Variants in SLCO3A1 observed in about 807,000 individuals in gnomAD.
SLCO3A1 encodes solute carrier organic anion transporter family member 3A1, also known as PGE1 transporter.
Under a neutral mutation model 63.1 loss-of-function variants are expected in SLCO3A1, and 27 were observed. That is an observed-to-expected ratio of 0.43 (90% CI 0.32 to 0.59). The LOEUF (loss-of-function observed/expected upper bound fraction) is 0.59, where lower values mean the gene tolerates loss of function less well. Ranked by LOEUF, SLCO3A1 falls within the 20% of genes least tolerant of loss-of-function variation. The pLI, the probability that SLCO3A1 is intolerant of heterozygous loss-of-function variation, is 0.09. For synonymous variants in SLCO3A1, 473 were observed against 409.9 expected, an observed-to-expected ratio of 1.15 and a Z score of -1.86; for missense variants, 773 against 945.8, an observed-to-expected ratio of 0.82 and a Z score of 2.40.
chr15:92,097,092 G>A (rs1450006015), intron 3 of SLCO3A1, among the ~76,000 whole-genome samples: 1 of 152,230 alleles, frequency 6.6e-6, no homozygotes, highest in Non-Finnish European at 1.5e-5. Flanking sequence ...TTGAAGGGTA[G>A]CAAAGTGGCC....
In SLCO3A1 at chr15:92,062,436, G is replaced by T. The variant is rs150437680; in HGVS notation, c.647-32445G>T. ...GGCCCGAGTGCCGTGTGGTCCATGT[G>T]GGAAGTGTGAATTGCATCCGGAAGG... On this transcript the variant is annotated intron_variant, in intron 2 of 9. Transcript: ENST00000318445. Among the ~76,000 whole-genome samples, 240 of 152,256 alleles carry T rather than the reference G, an allele frequency of 1.6e-3. 5 individuals carry two copies. In the East Asian group the frequency reaches 0.036, roughly 23 times the overall value.
chr15:92,026,355 TAAG>T (rs2046573754), intron 2 of SLCO3A1, among the ~76,000 whole-genome samples: 2 of 152,226 alleles, frequency 1.3e-5, no homozygotes, highest in Admixed American at 6.5e-5. Flanking sequence ...CCACAGCCTA[TAAG>T]AAGTTTCTCA....
At position 91,865,511 on chromosome 15, in the gene SLCO3A1, G is replaced by A. The variant is rs1897143239; in HGVS notation, c.180+11423G>A. Among the ~76,000 whole-genome samples, 1 of 152,188 alleles carries A rather than the reference G, an allele frequency of 6.6e-6. No homozygotes were observed. The highest frequency in any genetic ancestry group is 2.4e-5 in the African/African-American group (1 of 41,440). On this transcript the variant is annotated intron_variant, in intron 1 of 9. Transcript: ENST00000318445. The surrounding 1 kb of genome is among the most constrained non-coding windows in gnomAD (Gnocchi z 4.6). The stretch of plus-strand genomic sequence containing the variant: ...AAATTTTTTGTCTGACAGTCCTGCA[G>A]GCCAGAAGTCTGAAATCAGGGCATC...
chr15:92,058,232 C>T (rs2047044875), intron 2 of SLCO3A1, among the ~76,000 whole-genome samples: 1 of 152,036 alleles, frequency 6.6e-6, no homozygotes. Context: ...AGGGTGTTTC[C>T]ACAGATCCAG....
intron 2 of SLCO3A1, among the ~76,000 whole-genome samples, chr15:92,047,566 ATATAAATATATATAT>A (rs1332007261): frequency 8.4e-5 from 2 of 23,942 alleles, no homozygotes; most frequent in African/African-American, 5.7e-4. Flanking sequence ...ATAAATATAT[ATATAAATATATATAT>A]AATATATATA....
At chr15:91,914,858 C>T (rs1898603032) in intron 1 of SLCO3A1, among the ~76,000 whole-genome samples, 2 of 152,146 alleles carry the variant, frequency 1.3e-5, no homozygotes, top group African/African-American at 4.8e-5. Flanking sequence ...AGGTGTGAGC[C>T]ACTGCTCCCG....
At chr15:92,061,927 A>AT (rs1242737763) in intron 2 of SLCO3A1, among the ~76,000 whole-genome samples, 1 of 152,198 alleles carries the variant, frequency 6.6e-6, no homozygotes, top group Non-Finnish European at 1.5e-5. Context: ...CAAGATCTGG[A>AT]TTTTGGCAAC....
intron 2 of SLCO3A1, among the ~76,000 whole-genome samples, chr15:92,023,220 C>G (rs114046012): frequency 3.1e-3 from 465 of 152,290 alleles, no homozygotes; most frequent in African/African-American, 0.01. Flanking sequence ...TGCAGCCTTA[C>G]AAGGATAAAC....
chr15:92,134,527 C>A (rs974963117), intron 7 of SLCO3A1, among the ~76,000 whole-genome samples: 37 of 152,164 alleles, frequency 2.4e-4, no homozygotes, highest in Non-Finnish European at 5.9e-5. Context: ...GAAAAGAACA[C>A]ATTGTAAAAT....
rs115928996 is a variant in SLCO3A1 at position 91,860,642 on chromosome 15, A to G, written c.180+6554A>G. Among the ~76,000 whole-genome samples the G allele has an allele frequency of 5.4e-3, 823 of 152,328 alleles. 8 individuals carry two copies. Among genetic ancestry groups the G allele is most frequent in the African/African-American group, 0.019 (775 of 41,570 alleles). On this transcript the variant is annotated intron_variant, in intron 1 of 9. Coordinates refer to ENST00000318445, the MANE Select transcript of SLCO3A1 (RefSeq NM_013272.4). This position sits in a 1 kb window ranked among gnomAD's most constrained non-coding sequence, Gnocchi z 5.5. ...GCTGAAAGGCTGAGTGACCAATTCA[A>G]GGGAGCCCGAGGTGTCAGGAGGGCG...
chr15:91,999,911 T>C (rs961785539), intron 2 of SLCO3A1, among the ~76,000 whole-genome samples: 2 of 152,212 alleles, frequency 1.3e-5, no homozygotes, highest in African/African-American at 4.8e-5. Context: ...AACCTAAGAA[T>C]GTTCACTGGG....
chr15:91,936,240 A>G (rs1037918456), intron 2 of SLCO3A1, among the ~76,000 whole-genome samples: 3 of 152,292 alleles, frequency 2.0e-5, no homozygotes, highest in Admixed American at 6.5e-5. Flanking sequence ...ATTGGGCACA[A>G]GCCCAATCTA....
chr15:91,921,926 G>A (rs757898450), intron 2 of SLCO3A1, among the ~76,000 whole-genome samples: 39 of 151,830 alleles, frequency 2.6e-4, no homozygotes, highest in Non-Finnish European at 5.1e-4. Flanking sequence ...GTAAAGACAG[G>A]GTTTCGTCAT....
At position 91,895,640 on chromosome 15, in the gene SLCO3A1, T is replaced by C. The variant is rs62010895; in HGVS notation, c.181-20353T>C. On this transcript the variant is annotated intron_variant, in intron 1 of 9. Coordinates refer to ENST00000318445, the MANE Select transcript of SLCO3A1 (RefSeq NM_013272.4). ...TACTGTTGATTCATAGTGCTTCTAGTAGTTCTTAATAATCTGTCTCATTTC... is the reference window on the plus strand; with the variant it reads ...TACTGTTGATTCATAGTGCTTCTAGCAGTTCTTAATAATCTGTCTCATTTC... Among the ~76,000 whole-genome samples the C allele has an allele frequency of 8.8e-3, 1,334 of 152,350 alleles. 9 individuals are homozygous for C. The highest frequency in any genetic ancestry group is 0.014 in the Non-Finnish European group (948 of 68,030).
rs1430442129 is a variant in SLCO3A1 at position 92,147,200 on chromosome 15, T to A, written c.1688+41T>A. ...AGCCCCGCCTCTCCTCCTTTCCACC[T>A]GGTGTTCATCTGCAGGCCTCCTAGG... On this transcript the variant is annotated intron_variant, in intron 8 of 9. Transcript: ENST00000318445. The A allele has an allele frequency of 2.5e-6, 4 of 1,577,822 alleles. No homozygotes were observed. The African/African-American group carries it at 4.0e-5, about 16-fold the overall frequency.
intron 2 of SLCO3A1, among the ~76,000 whole-genome samples, chr15:92,005,675 G>A (rs1478225778): frequency 2.0e-5 from 3 of 152,170 alleles, no homozygotes; most frequent in Non-Finnish European, 4.4e-5. Context: ...GTGAGAAGTT[G>A]AGTTTGAGGA....
intron 1 of SLCO3A1, among the ~76,000 whole-genome samples, chr15:91,869,457 A>C (rs984460382): frequency 6.6e-5 from 10 of 151,082 alleles, no homozygotes; most frequent in African/African-American, 2.4e-4. Context: ...AATTGCTTGA[A>C]CCCAGGAGGC....
intron 2 of SLCO3A1, among the ~76,000 whole-genome samples, chr15:92,044,667 A>G (rs1263207865): frequency 6.6e-6 from 1 of 152,078 alleles, no homozygotes; most frequent in Non-Finnish European, 1.5e-5. Context: ...GAGGCAGCCC[A>G]CGGAATTGCT....
At chr15:92,042,205 T>C (rs867695184) in intron 2 of SLCO3A1, among the ~76,000 whole-genome samples, 26 of 152,192 alleles carry the variant, frequency 1.7e-4, no homozygotes, top group African/African-American at 5.8e-4. Flanking sequence ...ACTTTTACTC[T>C]TTCTTTTTAC....
Sources: allele counts gnomAD v4.1 joint callset (sites outside exome capture counted in the v4.1 genomes callset), GRCh38; gene constraint gnomAD v4.1.1; non-coding constraint Gnocchi (gnomAD v3.1); transcripts MANE v1.5; gene names NCBI Gene and HGNC (gene_info 2026-07-23, HGNC 2026-07-21).